The following GALNT13 variants were observed in gnomAD, a reference collection of about 807,000 sequenced individuals.
GALNT13 encodes the protein polypeptide N-acetylgalactosaminyltransferase 13, also known as UDP-GalNAc:polypeptide N-acetylgalactosaminyltransferase 13.
GALNT13 carries 28 observed loss-of-function variants against 64.2 expected under a neutral mutation model. The ratio of observed to expected loss-of-function variants is 0.44; its 90% CI spans 0.32 to 0.60. GALNT13 has a LOEUF of 0.60. Among genes scored for constraint, GALNT13 ranks in the 20% least tolerant of loss-of-function variants. GALNT13 has a pLI of 0.05. For missense variants in GALNT13, 577 were observed against 669.8 expected, an observed-to-expected ratio of 0.86 and a Z score of 1.53; for synonymous variants, 214 against 224.6, an observed-to-expected ratio of 0.95 and a Z score of 0.42.
the GALNT13 span, among the ~76,000 whole-genome samples, chr2:153,366,400 GTAAAA>G: frequency 6.6e-6 from 1 of 151,802 alleles, no homozygotes; most frequent in African/African-American, 2.4e-5. Context: ...GGAACTTAAA[GTAAAA>G]TAAAAATAAA....
intron 3 of GALNT13, among the ~76,000 whole-genome samples, chr2:154,015,826 A>C (rs991340218): frequency 1.3e-5 from 2 of 152,180 alleles, no homozygotes; most frequent in African/African-American, 4.8e-5. Flanking sequence ...TAAAAAGAAA[A>C]TCTACGTTCT....
chr2:153,797,812 C>A, the GALNT13 span, among the ~76,000 whole-genome samples: 2 of 152,166 alleles, frequency 1.3e-5, no homozygotes, highest in Non-Finnish European at 2.9e-5. Context: ...CATGCTATTG[C>A]TGGCCTATGC....
the GALNT13 span, among the ~76,000 whole-genome samples, chr2:153,082,735 T>TACATATATTATTTATTGAATAAATAAA: frequency 1.4e-5 from 2 of 139,096 alleles, no homozygotes; most frequent in African/African-American, 5.5e-5. Flanking sequence ...GGCTGGTTTA[T>TACATATATTATTTATTGAATAAATAAA]ATATATATTA....
At chr2:154,176,468 G>A (rs1418582039) in intron 4 of GALNT13, among the ~76,000 whole-genome samples, 2 of 151,720 alleles carry the variant, frequency 1.3e-5, no homozygotes, top group Non-Finnish European at 2.9e-5. Context: ...TAGCCAGGAT[G>A]GTCTCGATCT....
intron 1 of GALNT13, among the ~76,000 whole-genome samples, chr2:153,887,713 G>C (rs1687283086): frequency 6.6e-6 from 1 of 151,844 alleles, no homozygotes; most frequent in African/African-American, 2.4e-5. Flanking sequence ...ATTTTTGTTA[G>C]GTGTTCTGTG....
At chr2:154,153,947 G>A (rs373094656) in intron 4 of GALNT13, among the ~76,000 whole-genome samples, 21 of 152,230 alleles carry the variant, frequency 1.4e-4, no homozygotes, top group Middle Eastern at 3.4e-3. Context: ...ACTGTCCTGC[G>A]TCCATTGTCT....
At chr2:153,297,109 G>C in the GALNT13 span, among the ~76,000 whole-genome samples, 1 of 152,116 alleles carries the variant, frequency 6.6e-6, no homozygotes, top group Non-Finnish European at 1.5e-5. Flanking sequence ...AAAGCAGACA[G>C]TATTAAACTT....
the GALNT13 span, among the ~76,000 whole-genome samples, chr2:153,809,300 A>C: frequency 6.6e-6 from 1 of 152,236 alleles, no homozygotes; most frequent in Non-Finnish European, 1.5e-5. Context: ...ATTCATTTTA[A>C]AATGGGTTTT....
intron 2 of GALNT13, among the ~76,000 whole-genome samples, chr2:153,917,071 TTGA>T (rs1689404997): frequency 6.6e-6 from 1 of 152,136 alleles, no homozygotes. Flanking sequence ...AGTCACTTAG[TTGA>T]TGAGATGACC....
At chr2:154,152,532 A>C (rs1169489329) in intron 4 of GALNT13, among the ~76,000 whole-genome samples, 1 of 152,154 alleles carries the variant, frequency 6.6e-6, no homozygotes, top group Non-Finnish European at 1.5e-5. Flanking sequence ...GTGTTTTCCA[A>C]CTTGGTTCCA....
chr2:154,298,379 C>A lies in GALNT13; in HGVS notation c.976-3030C>A, dbSNP rs568936418. On this transcript the variant is annotated intron_variant, in intron 8 of 12. Transcript: ENST00000392825. ...ATACATATATAATATCACTAAATTA[C>A]ATAAATATAATTTATATAAATATAT... 7.7e-3 allele frequency among the ~76,000 whole-genome samples: 912 copies of A among 118,048 alleles called. 10 individuals carry two copies. The highest frequency in any genetic ancestry group is 0.026 in the African/African-American group (871 of 33,462). The allele number at this position is 118,048 out of a possible 152,430, so 77.4% of individuals were successfully genotyped here.
chr2:153,929,998 T>A (rs1449948585), intron 2 of GALNT13, among the ~76,000 whole-genome samples: 3 of 152,130 alleles, frequency 2.0e-5, no homozygotes, highest in Non-Finnish European at 2.9e-5. Flanking sequence ...CTCCACAATT[T>A]TGCCAGCCTC....
the GALNT13 span, among the ~76,000 whole-genome samples, chr2:153,586,580 A>G: frequency 6.6e-6 from 1 of 152,164 alleles, no homozygotes; most frequent in African/African-American, 2.4e-5. Flanking sequence ...GAGGAATACA[A>G]TAATATTTGG....
the GALNT13 span, among the ~76,000 whole-genome samples, chr2:153,828,161 A>T: frequency 6.6e-6 from 1 of 152,176 alleles, no homozygotes; most frequent in African/African-American, 2.4e-5. Context: ...CAGCTTTTCC[A>T]GGCACGCAGT....
At chr2:153,095,300 A>G in the GALNT13 span, among the ~76,000 whole-genome samples, 589 of 152,350 alleles carry the variant, frequency 3.9e-3, 6 homozygotes, top group African/African-American at 0.013. Context: ...GCTCATCATC[A>G]CTGGCCATCA....
At chr2:153,219,736 TTTAGCTGATGTAGAAAGCTCCAGATAAC>T in the GALNT13 span, among the ~76,000 whole-genome samples, 163 of 152,366 alleles carry the variant, frequency 1.1e-3, 1 homozygote, top group African/African-American at 3.8e-3. Context: ...TCTGAACCTT[TTTAGCTGATGTAGAAAGCTCCAGATAAC>T]AAATTGGTTT....
chr2:153,708,902 T>A, the GALNT13 span, among the ~76,000 whole-genome samples: 1 of 151,996 alleles, frequency 6.6e-6, no homozygotes, highest in African/African-American at 2.4e-5. Context: ...ATCTCTTCAA[T>A]AATTGGTGTG....
intron 3 of GALNT13, among the ~76,000 whole-genome samples, chr2:154,034,369 TAAATA>T (rs1399870846): frequency 2.0e-5 from 3 of 152,192 alleles, no homozygotes; most frequent in Non-Finnish European, 1.5e-5. Flanking sequence ...AAATATCATG[TAAATA>T]AAATGTTTTG....
chr2:153,952,838 A>T (rs1692292772), intron 3 of GALNT13, among the ~76,000 whole-genome samples: 1 of 152,162 alleles, frequency 6.6e-6, no homozygotes, highest in Admixed American at 6.5e-5. Context: ...GCCCCTGGCA[A>T]ACCACTGGTG....
Sources: gnomAD v4.1 joint callset for allele counts (sites outside exome capture counted in the v4.1 genomes callset) on GRCh38, gnomAD v4.1.1 for gene constraint, MANE v1.5 for transcripts, NCBI Gene and HGNC (gene_info 2026-07-23, HGNC 2026-07-21) for gene names.